PI16: variants seen among roughly 807,000 people sequenced by gnomAD.
The protein encoded by PI16 is peptidase inhibitor 16, also known as PSP94-binding protein.
PI16 carries 35 observed loss-of-function variants against 38.0 expected under a neutral mutation model. The observed-to-expected ratio is 0.92, with a 90% CI of 0.70 to 1.22. PI16 has a LOEUF of 1.22. Among genes scored for constraint, PI16 ranks in the 50% most tolerant of loss-of-function variants. The pLI, the probability that PI16 is intolerant of heterozygous loss-of-function variation, is 0.00. For synonymous variants in PI16, 275 were observed against 252.9 expected (o/e 1.09, Z -0.83); for missense variants, 572 against 593.8 (o/e 0.96, Z 0.38).
At position 36,954,849 on chromosome 6, in the gene PI16, A is replaced by G; in HGVS notation, c.89A>G (p.Asp30Gly). The change falls in exon 1 of 7, where the codon GAT (aspartate) becomes GGT (glycine). Residue 30 changes from aspartate to glycine, a missense_variant. Physicochemically the swap from Asp to Gly is moderately conservative, Grantham distance 94. Coordinates refer to ENST00000373674, the MANE Select transcript of PI16 (RefSeq NM_153370.3). ...ACAGGCCCCGTTGGAGCCCTCACAG[A>G]TGAGGAGAAACGTTTGATGGTGGAG... Reference protein sequence around the residue: ...ATTGPVGALTDEEKRLMVELH... With the variant: ...ATTGPVGALTGEEKRLMVELH... The G allele has an allele frequency of 6.2e-7, 1 of 1,614,094 alleles. No homozygotes were observed. The highest frequency in any genetic ancestry group is 1.1e-5 in the South Asian group (1 of 91,072).
chr6:36,957,302 G>A (rs1229036726), intron 1 of PI16, among the ~76,000 whole-genome samples: 2 of 152,168 alleles, frequency 1.3e-5, no homozygotes, highest in African/African-American at 4.8e-5. Context: ...TGCCTTTGCT[G>A]ATGTGTACCT....
At position 36,963,805 on chromosome 6, in the gene PI16, G is replaced by T; in HGVS notation, c.1271-18G>T. ...ACAGCTGTCTCTAGGCTGAGGCAAA[G>T]CCTCTTTCTTCCCACAGGTGCAGAG... is the stretch of plus-strand genomic sequence containing the variant. On this transcript the variant is annotated intron_variant, in intron 5 of 6. Transcript: ENST00000373674. The T allele has an allele frequency of 6.4e-7, 1 of 1,568,812 alleles. No individual in the cohort carries two copies. The highest frequency in any genetic ancestry group is 2.0e-5 in the Admixed American group (1 of 51,170).
Position 36,963,364 on chromosome 6 carries a change from T to G in PI16, c.1022T>G (p.Met341Arg). ...RSPENSLDPK[M>R]SLTGARELLP... ...CCAGAGAACTCTCTGGACCCCAAGA[T>G]GTCCCTGACAGGGGCAAGGGAACTC... Residue 341 changes from methionine to arginine, a missense_variant, in exon 5 of 7, where the codon ATG becomes AGG. Coordinates refer to ENST00000373674, the MANE Select transcript of PI16 (RefSeq NM_153370.3). The G allele has an allele frequency of 1.2e-6, 2 of 1,614,198 alleles. No individual in the cohort carries two copies. The highest frequency in any genetic ancestry group is 1.3e-5 in the African/African-American group (1 of 75,058).
In PI16 at chr6:36,962,977, T is replaced by C. The variant is rs1763413107; in HGVS notation, c.635T>C (p.Leu212Pro). Residue 212 changes from leucine to proline, a missense_variant, in exon 5 of 7, where the codon CTG becomes CCG. Transcript: ENST00000373674. This position sits in a 1 kb window ranked among gnomAD's most constrained non-coding sequence, Gnocchi z 4.1. ...SPEDAQDLPY[L>P]VTEAPSFRAT... ...GAAGATGCTCAGGATTTGCCTTACC[T>C]GGTAACTGAGGCCCCATCCTTCCGG... The C allele has an allele frequency of 1.9e-6, 3 of 1,614,162 alleles. No individual in the cohort carries two copies. The highest frequency in any genetic ancestry group is 1.1e-5 in the South Asian group (1 of 91,088).
At position 36,962,035 on chromosome 6, in the gene PI16, A is replaced by T; in HGVS notation, c.592+61A>T. On this transcript the variant is annotated intron_variant, in intron 4 of 6. Transcript: ENST00000373674. This position sits in a 1 kb window ranked among gnomAD's most constrained non-coding sequence, Gnocchi z 4.1. The stretch of plus-strand genomic sequence containing the variant: ...GTGGAAATGATGCGATGCAGACTGG[A>T]TGGTCTAAGAGCCTCCCTGGACTGA... 1.4e-6 allele frequency: 2 copies of T among 1,414,340 alleles called. No homozygotes were observed. Among genetic ancestry groups the T allele is most frequent in the Non-Finnish European group, 2.0e-6 (2 of 998,528 alleles). 87.6% of individuals were successfully genotyped at this position (1,414,340 alleles called of 1,614,324 possible). A position where few individuals can be genotyped will look rare whatever the true frequency, so the allele number is the denominator to read the frequency against.
chr6:36,952,048 C>A (rs1244120622), upstream of PI16, among the ~76,000 whole-genome samples: 6 of 147,674 alleles, frequency 4.1e-5, no homozygotes, highest in African/African-American at 1.5e-4. Flanking sequence ...GGCTGGAATG[C>A]GGTGACTGGA....
chr6:36,959,659 G>T (rs1210498324), intron 2 of PI16, among the ~76,000 whole-genome samples: 5 of 152,270 alleles, frequency 3.3e-5, no homozygotes, highest in African/African-American at 1.2e-4. Flanking sequence ...GATCGCTTAA[G>T]GCCAGGAGTT....
chr6:36,948,635 T>TTCCCTCCTTCCTCCCTCCC (rs1763050634), intron 1 of PI16, among the ~76,000 whole-genome samples: 1 of 77,366 alleles, frequency 1.3e-5, no homozygotes, highest in Non-Finnish European at 2.6e-5. Flanking sequence ...TCCTTCCTCC[T>TTCCCTCCTTCCTCCCTCCC]TCCCTCCTTC....
At chr6:36,949,449 C>G (rs756999643) in intron 1 of PI16, among the ~76,000 whole-genome samples, 1 of 152,134 alleles carries the variant, frequency 6.6e-6, no homozygotes, top group Non-Finnish European at 1.5e-5. Flanking sequence ...CTATCTCAAG[C>G]CTAAGTTGTC....
At position 36,962,975 on chromosome 6, in the gene PI16, C is replaced by T; in HGVS notation, c.633C>T (p.Tyr211=). The change falls in exon 5 of 7, where the codon TAC becomes TAT. Residue 211 remains tyrosine (Y), a synonymous_variant. Transcript: ENST00000373674. The surrounding 1 kb of genome is among the most constrained non-coding windows in gnomAD (Gnocchi z 4.1). ...GSPEDAQDLP[Y]LVTEAPSFRA... Reference sequence around the variant, plus strand: ...CGGAAGATGCTCAGGATTTGCCTTACCTGGTAACTGAGGCCCCATCCTTCC... The same window carrying T: ...CGGAAGATGCTCAGGATTTGCCTTATCTGGTAACTGAGGCCCCATCCTTCC... 6.2e-7 allele frequency: 1 copy of T among 1,614,122 alleles called. No individual in the cohort carries two copies. The highest frequency in any genetic ancestry group is 8.5e-7 in the Non-Finnish European group (1 of 1,179,966).
intron 6 of PI16, 77 bp downstream of exon 6, chr6:36,964,039 T>C (rs1377177528): frequency 3.4e-5 from 51 of 1,499,112 alleles, no homozygotes; most frequent in Admixed American, 4.3e-5. Flanking sequence ...CACAGCTTCC[T>C]GGGCAGGTCC....
At chr6:36,959,053 G>C in intron 1 of PI16, 92 bp from the exon 2 acceptor site, 1 of 1,149,600 alleles carries the variant, frequency 8.7e-7, no homozygotes, top group South Asian at 1.5e-5. Context: ...AGGAGGTGCC[G>C]GAAGGATTTC....
At chr6:36,952,554 G>T (rs1383315535), upstream of PI16, among the ~76,000 whole-genome samples, 1 of 152,140 alleles carries the variant, frequency 6.6e-6, no homozygotes, top group African/African-American at 2.4e-5. Flanking sequence ...TTCTTTAAAA[G>T]ACTTGCCTTT....
chr6:36,951,351 G>C (rs1232061095), upstream of PI16, among the ~76,000 whole-genome samples: 1 of 152,034 alleles, frequency 6.6e-6, no homozygotes, highest in Non-Finnish European at 1.5e-5. Context: ...CCAGGCCCAA[G>C]CAATTTTCCC....
At chr6:36,950,455 T>C (rs1763080753), upstream of PI16, among the ~76,000 whole-genome samples, 1 of 152,256 alleles carries the variant, frequency 6.6e-6, no homozygotes, top group African/African-American at 2.4e-5. This position sits in a 1 kb window ranked among gnomAD's most constrained non-coding sequence, Gnocchi z 4.2. Flanking sequence ...AGTTCATTCA[T>C]TGATGAACAT....
upstream of PI16, among the ~76,000 whole-genome samples, chr6:36,949,981 G>A (rs1763073674): frequency 6.6e-6 from 1 of 151,750 alleles, no homozygotes; most frequent in African/African-American, 2.4e-5. Context: ...CCGTACTCCT[G>A]GCCAATGTAA....
chr6:36,954,679 G>C, upstream of PI16: 1 of 1,521,758 alleles, frequency 6.6e-7, no homozygotes, highest in Non-Finnish European at 8.8e-7. Context: ...CCCCACCCCA[G>C]CCAGGGTGGT....
chr6:36,948,921 A>G (rs1763058006), intron 1 of PI16, among the ~76,000 whole-genome samples: 1 of 151,202 alleles, frequency 6.6e-6, no homozygotes, highest in African/African-American at 2.4e-5. Context: ...CAGCCTCCCA[A>G]GTAGCTGGGA....
chr6:36,955,650 TA>T (rs1763184529), intron 1 of PI16, among the ~76,000 whole-genome samples: 1 of 152,164 alleles, frequency 6.6e-6, no homozygotes, highest in South Asian at 2.1e-4. Flanking sequence ...ATAAAATCTC[TA>T]AAAAATACAC....
Sources: allele counts gnomAD v4.1 joint callset (sites outside exome capture counted in the v4.1 genomes callset), GRCh38; gene constraint gnomAD v4.1.1; non-coding constraint Gnocchi (gnomAD v3.1); transcripts MANE v1.5; gene names NCBI Gene and HGNC (gene_info 2026-07-23, HGNC 2026-07-21).